Variants in ADORA2B observed in about 807,000 individuals in gnomAD.
The protein encoded by ADORA2B is adenosine A2b receptor.
ADORA2B carries 18 observed loss-of-function variants against 20.8 expected under a neutral mutation model. That is an observed-to-expected ratio of 0.87 (90% CI 0.60 to 1.29). The LOEUF is 1.29. Among genes scored for constraint, ADORA2B ranks in the 50% most tolerant of loss-of-function variants. The pLI, the probability that ADORA2B is intolerant of heterozygous loss-of-function variation, is 0.00. For missense variants in ADORA2B, 441 were observed against 422.7 expected (o/e 1.04, Z -0.38); for synonymous variants, 179 against 178.3 (o/e 1.00, Z -0.03).
At chr17:15,917,506 A>T in the ADORA2B span, among the ~76,000 whole-genome samples, 6 of 152,218 alleles carry the variant, frequency 3.9e-5, no homozygotes, top group African/African-American at 1.4e-4. Context: ...TGGACGGTGC[A>T]GGCTGGGCTG....
the ADORA2B span, among the ~76,000 whole-genome samples, chr17:15,923,206 A>ATT: frequency 8.8e-3 from 999 of 113,488 alleles, 13 homozygotes; most frequent in Middle Eastern, 0.019. Flanking sequence ...TCTTTTTTTA[A>ATT]TTTTTTTTTT....
chr17:15,867,246 A>T, the ADORA2B span, among the ~76,000 whole-genome samples: 1 of 146,106 alleles, frequency 6.8e-6, no homozygotes, highest in African/African-American at 2.6e-5. Flanking sequence ...CTGGCCGCCC[A>T]TTGTCTGGGA....
the ADORA2B span, chr17:15,860,960 A>G: frequency 1.3e-5 from 2 of 152,938 alleles, no homozygotes; most frequent in African/African-American, 4.8e-5. Context: ...ACCAGAGGGA[A>G]AGTGGAAGTG....
the ADORA2B span, among the ~76,000 whole-genome samples, chr17:15,915,885 C>T: frequency 6.6e-6 from 1 of 152,198 alleles, no homozygotes; most frequent in African/African-American, 2.4e-5. Context: ...ACAGCCACCC[C>T]AGAAACAATG....
the ADORA2B span, among the ~76,000 whole-genome samples, chr17:15,880,007 T>G: frequency 1.3e-5 from 2 of 149,550 alleles, no homozygotes; most frequent in South Asian, 4.2e-4. Context: ...TCCCTGGGAC[T>G]GATACCCTTG....
chr17:15,931,020 T>C, the ADORA2B span, among the ~76,000 whole-genome samples: 1 of 152,004 alleles, frequency 6.6e-6, no homozygotes, highest in East Asian at 1.9e-4. Context: ...AAACACACCA[T>C]AGAGGTGCAG....
intron 1 of ADORA2B, among the ~76,000 whole-genome samples, chr17:15,954,929 A>C (rs1374011427): frequency 1.3e-5 from 2 of 152,134 alleles, no homozygotes; most frequent in Non-Finnish European, 2.9e-5. Flanking sequence ...CTCCTCTGGG[A>C]ACCTTTGGGA....
chr17:15,956,811 G>A lies in ADORA2B; in HGVS notation c.335+11228G>A, dbSNP rs151244776. 3.2e-3 allele frequency among the ~76,000 whole-genome samples: 491 copies of A among 152,104 alleles called. 4 individuals are homozygous for A. Among genetic ancestry groups the A allele is most frequent in the African/African-American group, 0.011 (455 of 41,490 alleles). On this transcript the variant is annotated intron_variant, in intron 1 of 1. Transcript: ENST00000304222. The stretch of plus-strand genomic sequence containing the variant: ...GACGGGGTTTCACCATGCTGGTCAG[G>A]CTGGTCTCAAACTCCTGACCTCAGG...
intron 1 of ADORA2B, among the ~76,000 whole-genome samples, chr17:15,957,196 T>C (rs1394619970): frequency 6.6e-6 from 1 of 152,148 alleles, no homozygotes; most frequent in African/African-American, 2.4e-5. Flanking sequence ...AGAAGGCTGA[T>C]GTTTGATGCC....
chr17:15,944,693 C>T (rs1312563664), upstream of ADORA2B, among the ~76,000 whole-genome samples: 3 of 152,124 alleles, frequency 2.0e-5, no homozygotes, highest in Non-Finnish European at 4.4e-5. The surrounding 1 kb of genome is among the most constrained non-coding windows in gnomAD (Gnocchi z 4.8). Flanking sequence ...CCCTGCCTGC[C>T]CGGCAGCCCC....
the ADORA2B span, among the ~76,000 whole-genome samples, chr17:15,910,028 A>G: frequency 0.32 from 48,446 of 152,056 alleles, 8,389 homozygotes; most frequent in African/African-American, 0.45. Flanking sequence ...AAGTGAGGGC[A>G]TGGCTCACAC....
upstream of ADORA2B, among the ~76,000 whole-genome samples, chr17:15,943,191 A>G (rs998145804): frequency 2.7e-5 from 4 of 150,666 alleles, no homozygotes; most frequent in Non-Finnish European, 4.5e-5. Flanking sequence ...AGGGAAATAG[A>G]AAAAAAAATT....
chr17:15,928,100 G>T, the ADORA2B span, among the ~76,000 whole-genome samples: 1 of 152,106 alleles, frequency 6.6e-6, no homozygotes, highest in Admixed American at 6.5e-5. Context: ...GAGCCACCAC[G>T]CCCGGCCGAG....
At chr17:15,919,963 G>A in the ADORA2B span, among the ~76,000 whole-genome samples, 1 of 152,218 alleles carries the variant, frequency 6.6e-6, no homozygotes, top group Non-Finnish European at 1.5e-5. Flanking sequence ...GCGTCAGCGT[G>A]AAATCCTGTA....
the ADORA2B span, among the ~76,000 whole-genome samples, chr17:15,897,485 T>C: frequency 1.3e-5 from 2 of 152,126 alleles, no homozygotes; most frequent in Admixed American, 6.5e-5. Context: ...GGAGGATTGG[T>C]TGAGCCCAGG....
At chr17:15,881,513 C>A in the ADORA2B span, among the ~76,000 whole-genome samples, 10 of 152,320 alleles carry the variant, frequency 6.6e-5, no homozygotes, top group East Asian at 1.9e-3. Context: ...GCAGTCATCA[C>A]TACTTTCTAT....
chr17:15,914,873 A>T, the ADORA2B span, among the ~76,000 whole-genome samples: 3 of 152,126 alleles, frequency 2.0e-5, no homozygotes, highest in African/African-American at 2.4e-5. Flanking sequence ...TTAGATCCTA[A>T]CTTCTTAGGC....
chr17:15,861,945 C>T, the ADORA2B span, among the ~76,000 whole-genome samples: 1 of 152,152 alleles, frequency 6.6e-6, no homozygotes, highest in African/African-American at 2.4e-5. Flanking sequence ...TTAGCACCAC[C>T]CCTGCCCACC....
the ADORA2B span, among the ~76,000 whole-genome samples, chr17:15,925,514 C>T: frequency 1.3e-5 from 2 of 152,042 alleles, no homozygotes; most frequent in Admixed American, 6.6e-5. Context: ...TGTATGTTAA[C>T]TTCATTAATT....
Sources: gnomAD v4.1 joint callset for allele counts (sites outside exome capture counted in the v4.1 genomes callset) on GRCh38, gnomAD v4.1.1 for gene constraint, Gnocchi (gnomAD v3.1) non-coding constraint, MANE v1.5 for transcripts, NCBI Gene and HGNC (gene_info 2026-07-23, HGNC 2026-07-21) for gene names.